The following NCOR1 variants were observed in gnomAD, a reference collection of about 807,000 sequenced individuals.
The protein encoded by NCOR1 is protein phosphatase 1, regulatory subunit 109.
NCOR1 carries 63 observed loss-of-function variants against 288.1 expected under a neutral mutation model. That is an observed-to-expected ratio of 0.22 (90% CI 0.18 to 0.27). The LOEUF (loss-of-function observed/expected upper bound fraction) is 0.27, where lower values mean the gene tolerates loss of function less well. Ranked by LOEUF, NCOR1 falls within the 10% of genes least tolerant of loss-of-function variation. The pLI is 1.00. For missense variants in NCOR1, 2,397 were observed against 3,019.2 expected (o/e 0.79, Z 4.83); for synonymous variants, 1,007 against 1,065.9 (o/e 0.94, Z 1.08).
At chr17:16,162,242 G>C (rs529431222) in intron 5 of NCOR1, among the ~76,000 whole-genome samples, 1 of 152,196 alleles carries the variant, frequency 6.6e-6, no homozygotes, top group East Asian at 1.9e-4. Context: ...ACAGGCTGAA[G>C]AAATTGCTCA....
Position 16,117,985 on chromosome 17 carries a change from A to T in NCOR1, c.1958T>A (p.Met653Lys). The change falls in exon 18 of 46, where the codon ATG becomes AAG. Residue 653 changes from methionine (M) to lysine (K), a missense_variant. Physicochemically the swap from Met to Lys is moderately conservative, Grantham distance 95. Coordinates refer to ENST00000268712, the MANE Select transcript of NCOR1 (RefSeq NM_006311.4). ...HGRNWAAIAK[M>K]VGTKSEAQCK... ...TTGAGCTTCACTTTTCGTTCCCACC[A>T]TTTTAGCAATTGCTGCCCAGTTACG... The T allele has an allele frequency of 6.2e-7, 1 of 1,613,992 alleles. No homozygotes were observed. Among genetic ancestry groups the T allele is most frequent in the Non-Finnish European group, 8.5e-7 (1 of 1,179,942 alleles).
At chr17:16,093,973 T>C (rs1448469600) in intron 21 of NCOR1, among the ~76,000 whole-genome samples, 3 of 152,162 alleles carry the variant, frequency 2.0e-5, no homozygotes, top group Non-Finnish European at 4.4e-5. Flanking sequence ...AGTGGTGCCA[T>C]CTCACCTCAC....
chr17:16,081,169 CT>C (rs1276395100), intron 23 of NCOR1, among the ~76,000 whole-genome samples: 10 of 147,896 alleles, frequency 6.8e-5, no homozygotes, highest in African/African-American at 1.8e-4. Context: ...AAGAATCAAC[CT>C]TTTTTTTTCT....
rs1432266565 is a variant in NCOR1 at position 16,031,428 on chromosome 17, T to C, written c.*868A>G. 5.2e-6 allele frequency: 1 copy of C among 193,616 alleles called. No homozygotes were observed. The highest frequency in any genetic ancestry group is 1.1e-5 in the Non-Finnish European group (1 of 92,914). 12.0% of individuals were successfully genotyped at this position (193,616 alleles called of 1,614,324 possible). A position where few individuals can be genotyped will look rare whatever the true frequency, so the allele number is the denominator to read the frequency against. On this transcript the variant is annotated 3_prime_UTR_variant, in exon 46 of 46. Transcript: ENST00000268712. The stretch of plus-strand genomic sequence containing the variant: ...CTATGGACAGGGTAGTCAAATTTAT[T>C]TCAAAACAAAAGCTTTGTTGGGCTG...
At chr17:16,036,138 C>G (rs937273934) in intron 44 of NCOR1, among the ~76,000 whole-genome samples, 1 of 152,188 alleles carries the variant, frequency 6.6e-6, no homozygotes, top group Non-Finnish European at 1.5e-5. Flanking sequence ...TTCCTTGATC[C>G]ATGGGCTTCA....
chr17:16,127,778 G>C (rs938869658), intron 14 of NCOR1, among the ~76,000 whole-genome samples: 2 of 150,212 alleles, frequency 1.3e-5, no homozygotes, highest in East Asian at 3.9e-4. Flanking sequence ...AGTATATTAG[G>C]GTTCGGTACT....
intron 1 of NCOR1, among the ~76,000 whole-genome samples, chr17:16,201,900 G>C (rs933199860): frequency 1.3e-5 from 2 of 151,912 alleles, no homozygotes; most frequent in African/African-American, 2.4e-5. Context: ...GGCCAGTCTG[G>C]CCAACCTGGC....
chr17:16,119,365 AC>A (rs902585952), intron 17 of NCOR1, 57 bp downstream of exon 17: 164 of 1,268,728 alleles, frequency 1.3e-4, no homozygotes, highest in Middle Eastern at 5.7e-4. Flanking sequence ...CTCACTCATT[AC>A]TAATAACCCT....
At chr17:16,185,074 G>A (rs1456785267) in intron 3 of NCOR1, among the ~76,000 whole-genome samples, 2 of 150,470 alleles carry the variant, frequency 1.3e-5, no homozygotes, top group African/African-American at 4.9e-5. Context: ...TGGTTACCAG[G>A]GGCAGGGGGT....
intron 40 of NCOR1, among the ~76,000 whole-genome samples, chr17:16,056,048 T>C (rs764409386): frequency 3.3e-5 from 5 of 152,206 alleles, no homozygotes; most frequent in Non-Finnish European, 4.4e-5. Flanking sequence ...TACTTTTGTA[T>C]GTATTTGAAA....
At chr17:16,162,984 T>G (rs1165509645) in intron 5 of NCOR1, among the ~76,000 whole-genome samples, 2 of 151,984 alleles carry the variant, frequency 1.3e-5, no homozygotes, top group Non-Finnish European at 2.9e-5. Flanking sequence ...CCCAGGGGGT[T>G]TTCATATAAA....
At chr17:16,168,067 CAAAT>C (rs1281043142) in intron 4 of NCOR1, among the ~76,000 whole-genome samples, 1 of 151,616 alleles carries the variant, frequency 6.6e-6, no homozygotes, top group Non-Finnish European at 1.5e-5. Flanking sequence ...AACCAATAAA[CAAAT>C]AAAAAAAGTT....
intron 2 of NCOR1, among the ~76,000 whole-genome samples, chr17:16,189,400 T>TA (rs957428113): frequency 1.6e-4 from 24 of 148,314 alleles, no homozygotes; most frequent in South Asian, 1.1e-3. Flanking sequence ...TCTCAAAAAA[T>TA]AAAAAAAAAA....
At chr17:16,105,330 T>C (rs573563722) in intron 19 of NCOR1, among the ~76,000 whole-genome samples, 2 of 151,624 alleles carry the variant, frequency 1.3e-5, no homozygotes, top group African/African-American at 4.8e-5. Context: ...GGTGGGAAAA[T>C]CGCTTGAGCC....
At chr17:16,148,226 A>G (rs999239851) in intron 9 of NCOR1, among the ~76,000 whole-genome samples, 3 of 152,172 alleles carry the variant, frequency 2.0e-5, no homozygotes, top group Non-Finnish European at 2.9e-5. Context: ...CCACACTGCC[A>G]GCTCAGTCTA....
intron 1 of NCOR1, among the ~76,000 whole-genome samples, chr17:16,210,174 A>G (rs779834232): frequency 1.8e-4 from 28 of 152,148 alleles, no homozygotes; most frequent in Non-Finnish European, 3.5e-4. Flanking sequence ...ACCTGAGGTC[A>G]GGAGTTCGAG....
At chr17:16,161,443 C>T (rs906331966) in intron 5 of NCOR1, among the ~76,000 whole-genome samples, 6 of 151,970 alleles carry the variant, frequency 3.9e-5, no homozygotes, top group Non-Finnish European at 7.4e-5. Flanking sequence ...TACAGGCACC[C>T]GCCACCACAC....
intron 14 of NCOR1, among the ~76,000 whole-genome samples, chr17:16,130,208 T>C (rs977963786): frequency 1.3e-5 from 2 of 152,186 alleles, no homozygotes; most frequent in East Asian, 1.9e-4. Flanking sequence ...CTTTGTGCAA[T>C]ATGCATAAAG....
Position 16,065,479 on chromosome 17 carries a change from A to G in NCOR1, c.4951+6T>C. The G allele has an allele frequency of 6.2e-7, 1 of 1,614,088 alleles. No individual in the cohort carries two copies. Among genetic ancestry groups the G allele is most frequent in the East Asian group, 2.2e-5 (1 of 44,882 alleles). ...TCTACGAAATCTGAAATGCAAAGAC[A>G]CACACCTCTCGTTGCTGGGTATGGG... is the stretch of plus-strand genomic sequence containing the variant. On this transcript the variant is annotated splice_donor_region_variant and intron_variant, in intron 33 of 45. Coordinates refer to ENST00000268712, the MANE Select transcript of NCOR1 (RefSeq NM_006311.4).
Sources: allele counts gnomAD v4.1 joint callset (sites outside exome capture counted in the v4.1 genomes callset), GRCh38; gene constraint gnomAD v4.1.1; transcripts MANE v1.5; gene names NCBI Gene and HGNC (gene_info 2026-07-23, HGNC 2026-07-21).